C11orf65: variants seen among roughly 807,000 people sequenced by gnomAD.
The protein encoded by C11orf65 is chromosome 11 open reading frame 65.
Under a neutral mutation model 35.3 loss-of-function variants are expected in C11orf65, and 38 were observed. That is an observed-to-expected ratio of 1.08 (90% CI 0.83 to 1.41). The LOEUF (loss-of-function observed/expected upper bound fraction) is 1.41, where lower values mean the gene tolerates loss of function less well. Among genes scored for constraint, C11orf65 ranks in the 40% most tolerant of loss-of-function variants. The pLI is 0.00. For missense variants in C11orf65, 370 were observed against 367.1 expected, an observed-to-expected ratio of 1.01 and a Z score of -0.06; for synonymous variants, 105 against 114.4, an observed-to-expected ratio of 0.92 and a Z score of 0.53.
intron 2 of C11orf65, among the ~76,000 whole-genome samples, chr11:108,374,751 C>A (rs1025479324): frequency 4.8e-4 from 73 of 152,132 alleles, no homozygotes; most frequent in African/African-American, 1.2e-3. Context: ...AAAATTTAGA[C>A]AAATGTATAA....
At chr11:108,417,121 TACAGAGAGTAAATAGTA>T (rs1192060388) in intron 3 of C11orf65, among the ~76,000 whole-genome samples, 2 of 152,126 alleles carry the variant, frequency 1.3e-5, no homozygotes, top group Non-Finnish European at 2.9e-5. Context: ...GTCTGAGACA[TACAGAGAGTAAATAGTA>T]ACAGGGTAGA....
chr11:108,329,236 C>T, downstream of C11orf65: 1 of 1,610,942 alleles, frequency 6.2e-7, no homozygotes, highest in Non-Finnish European at 8.5e-7. Flanking sequence ...TTCAGACAAA[C>T]AGGTAACTAG....
At chr11:108,356,113 C>A (rs2089891435) in intron 2 of C11orf65, 1 of 152,086 alleles carries the variant, frequency 6.6e-6, no homozygotes, top group East Asian at 1.9e-4. Flanking sequence ...ATTGGTTCTG[C>A]AGTAAGAATA....
chr11:108,405,676 AGAG>A, intron 5 of C11orf65, 117 bp from the exon 6 acceptor site: 1 of 1,033,964 alleles, frequency 9.7e-7, no homozygotes, highest in South Asian at 1.4e-5. Flanking sequence ...GAAACAGAGG[AGAG>A]GATAGATACT....
At chr11:108,460,555 T>G (rs2093461061) in intron 2 of C11orf65, among the ~76,000 whole-genome samples, 1 of 152,198 alleles carries the variant, frequency 6.6e-6, no homozygotes, top group African/African-American at 2.4e-5. Flanking sequence ...CTCACAATGC[T>G]GGTTCCTCAG....
intron 2 of C11orf65, chr11:108,368,212 A>ATT: frequency 5.2e-6 from 1 of 190,528 alleles, no homozygotes; most frequent in Non-Finnish European, 1.1e-5. Context: ...ATTATAAAAG[A>ATT]TTTTTTTTTT....
intron 6 of C11orf65, among the ~76,000 whole-genome samples, chr11:108,314,364 C>T (rs543122095): frequency 1.3e-4 from 20 of 152,214 alleles, no homozygotes; most frequent in Middle Eastern, 3.4e-3. Flanking sequence ...CCTTGGCTAC[C>T]CAAAGTACTG....
chr11:108,335,828 G>A lies in C11orf65; in HGVS notation c.227-536C>T, dbSNP rs368924012. 2.4e-5 allele frequency: 38 copies of A among 1,595,128 alleles called. No homozygotes were observed. The highest frequency in any genetic ancestry group is 1.7e-4 in the Middle Eastern group (1 of 6,042). ...AAATAAACTGTACTTGTTTATTCATGCTTAATTATTCTGAAGGGCCGTGAT... is the reference window on the plus strand; with the variant it reads ...AAATAAACTGTACTTGTTTATTCATACTTAATTATTCTGAAGGGCCGTGAT... On this transcript the variant is annotated intron_variant, in intron 2 of 3. Coordinates refer to the C11orf65 transcript ENST00000524755.
At chr11:108,331,853 T>C in intron 3 of C11orf65, 1 of 1,610,556 alleles carries the variant, frequency 6.2e-7, no homozygotes, top group South Asian at 1.1e-5. Flanking sequence ...TTTATTTGCA[T>C]AAATCTAATA....
chr11:108,396,870 T>TAAATAAATAAATAAATAAATA lies in C11orf65; in HGVS notation c.561-3493_561-3492insTATTTATTTATTTATTTATTT, dbSNP rs71942809. ...ATAAATAAATAAATAAATAAATAAATAAATAAAATAAAATAGTTACTATTA... is the reference window on the plus strand; with the variant it reads ...ATAAATAAATAAATAAATAAATAAATAAATAAATAAATAAATAAATAAAATAAAATAAAATAGTTACTATTA... On this transcript the variant is annotated intron_variant, in intron 6 of 8. Coordinates refer to ENST00000393084, the MANE Select transcript of C11orf65 (RefSeq NM_152587.5). Among the ~76,000 whole-genome samples, 350 of 144,946 alleles carry TAAATAAATAAATAAATAAATA rather than the reference T, an allele frequency of 2.4e-3. 3 individuals are homozygous for TAAATAAATAAATAAATAAATA. The highest frequency in any genetic ancestry group is 8.5e-3 in the African/African-American group (334 of 39,334).
chr11:108,327,521 A>C, downstream of C11orf65: 1 of 729,160 alleles, frequency 1.4e-6, no homozygotes, highest in East Asian at 2.8e-5. Flanking sequence ...ATGAGGAAAA[A>C]CTTTTTTTTT....
intron 7 of C11orf65, among the ~76,000 whole-genome samples, chr11:108,388,614 A>G (rs2092074115): frequency 1.3e-5 from 2 of 152,200 alleles, no homozygotes; most frequent in South Asian, 2.1e-4. Context: ...GCTCTCCCCA[A>G]CAGAGTATCA....
intron 3 of C11orf65, among the ~76,000 whole-genome samples, chr11:108,416,063 G>GA (rs1428006894): frequency 1.3e-5 from 2 of 152,196 alleles, no homozygotes; most frequent in Admixed American, 6.5e-5. Context: ...TGGGTTTGGT[G>GA]ATGACTTTTT....
At chr11:108,351,404 T>C (rs2089185522) in intron 2 of C11orf65, among the ~76,000 whole-genome samples, 1 of 152,232 alleles carries the variant, frequency 6.6e-6, no homozygotes. Flanking sequence ...TACCTGTTGC[T>C]GCATAACAAA....
intron 2 of C11orf65, among the ~76,000 whole-genome samples, chr11:108,452,951 G>A (rs1262739221): frequency 2.2e-5 from 3 of 138,216 alleles, no homozygotes; most frequent in East Asian, 2.2e-4. Flanking sequence ...ATTAAACAAT[G>A]AGAACACTTG....
rs2136565782 is a variant in C11orf65, at chr11:108,332,821, G to A, written c.300-1254C>T. 6.2e-7 allele frequency: 1 copy of A among 1,613,278 alleles called. No individual in the cohort carries two copies. Among genetic ancestry groups the A allele is most frequent in the Non-Finnish European group, 8.5e-7 (1 of 1,179,634 alleles). ...CTATCAGAAGTAGGAGACCTCAGAT[G>A]GTCAGAAGTGTTGAGGCACTTTGTG... is the stretch of plus-strand genomic sequence containing the variant. On this transcript the variant is annotated intron_variant, in intron 3 of 3. Coordinates refer to the C11orf65 transcript ENST00000524755.
At chr11:108,387,031 G>C (rs1291851485) in intron 7 of C11orf65, among the ~76,000 whole-genome samples, 1 of 150,946 alleles carries the variant, frequency 6.6e-6, no homozygotes, top group Non-Finnish European at 1.5e-5. Flanking sequence ...GCAGTGAACT[G>C]AGATGGTGCC....
intron 2 of C11orf65, among the ~76,000 whole-genome samples, chr11:108,364,135 G>A (rs896818676): frequency 1.3e-5 from 2 of 152,152 alleles, no homozygotes; most frequent in African/African-American, 2.4e-5. Flanking sequence ...AATCTAGTAC[G>A]TGTCCTGAAA....
At chr11:108,459,929 A>G (rs759039245) in intron 2 of C11orf65, among the ~76,000 whole-genome samples, 13 of 152,306 alleles carry the variant, frequency 8.5e-5, no homozygotes, top group Non-Finnish European at 1.3e-4. Context: ...GCTTACGCCT[A>G]GATGATGTGT....
Sources: allele counts gnomAD v4.1 joint callset (sites outside exome capture counted in the v4.1 genomes callset), GRCh38; gene constraint gnomAD v4.1.1; transcripts MANE v1.5; gene names NCBI Gene and HGNC (gene_info 2026-07-23, HGNC 2026-07-21).